Variants in LNPK observed in about 807,000 individuals in gnomAD.
LNPK encodes endoplasmic reticulum junction formation protein lunapark.
LNPK carries 29 observed loss-of-function variants against 55.2 expected under a neutral mutation model. The observed-to-expected ratio is 0.53, with a 90% confidence interval of 0.39 to 0.72. The LOEUF is 0.72. LNPK is among the 30% of genes least tolerant of loss of function. The pLI, the probability that LNPK is intolerant of heterozygous loss-of-function variation, is 0.00. For synonymous variants in LNPK, 162 were observed against 168.2 expected (o/e 0.96, Z 0.29); for missense variants, 467 against 494.8 (o/e 0.94, Z 0.53).
chr2:175,930,916 C>G (rs543604492), intron 12 of LNPK, among the ~76,000 whole-genome samples: 1 of 152,156 alleles, frequency 6.6e-6, no homozygotes, highest in Non-Finnish European at 1.5e-5. Flanking sequence ...GGGTACTAGT[C>G]CCTACATGAA....
At chr2:175,959,972 T>C (rs907957889) in intron 8 of LNPK, among the ~76,000 whole-genome samples, 1 of 152,030 alleles carries the variant, frequency 6.6e-6, no homozygotes, top group Non-Finnish European at 1.5e-5. Context: ...AGAAGGCCAT[T>C]ACATAATGGT....
chr2:175,945,574 T>C (rs1338482703), intron 9 of LNPK, among the ~76,000 whole-genome samples: 1 of 151,112 alleles, frequency 6.6e-6, no homozygotes, highest in African/African-American at 2.4e-5. Flanking sequence ...CTAACAACAT[T>C]CAATTATTAT....
chr2:176,000,882 CTT>C (rs1310871430), intron 1 of LNPK, among the ~76,000 whole-genome samples: 1 of 152,088 alleles, frequency 6.6e-6, no homozygotes, highest in African/African-American at 2.4e-5. Context: ...ATTAAGCACT[CTT>C]AATATATAAT....
In LNPK at chr2:175,938,391, G is replaced by GT; in HGVS notation, c.813-9dup. On this transcript the variant is annotated splice_polypyrimidine_tract_variant and intron_variant, in intron 10 of 12. Coordinates refer to ENST00000272748, the MANE Select transcript of LNPK (RefSeq NM_030650.3). Reference sequence around the variant, plus strand: ...TGACATATAAGTGCATACCTACACCGTAAGGAAAAATGAACAGACCAGTTA... The same window carrying GT: ...TGACATATAAGTGCATACCTACACCGTTAAGGAAAAATGAACAGACCAGTTA... 1 of 1,547,144 alleles carries GT rather than the reference G, an allele frequency of 6.5e-7. No homozygotes were observed. The highest frequency in any genetic ancestry group is 8.8e-7 in the Non-Finnish European group (1 of 1,133,304).
intron 8 of LNPK, among the ~76,000 whole-genome samples, chr2:175,961,842 A>C (rs1430310915): frequency 6.6e-6 from 1 of 152,258 alleles, no homozygotes; most frequent in Non-Finnish European, 1.5e-5. Context: ...GCTGATAAGC[A>C]ATTTCAGCAA....
chr2:175,957,602 G>A (rs949934475), intron 8 of LNPK, among the ~76,000 whole-genome samples: 4 of 152,066 alleles, frequency 2.6e-5, no homozygotes, highest in Non-Finnish European at 4.4e-5. Context: ...CAAGATGCCC[G>A]AATAGGAACA....
intron 3 of LNPK, among the ~76,000 whole-genome samples, 161 bp downstream of exon 3, chr2:175,993,021 C>T (rs61115910): frequency 0.072 from 10,990 of 152,164 alleles, 427 homozygotes; most frequent in South Asian, 0.098. Flanking sequence ...CACGGATAGA[C>T]TTTGGATTTT....
Position 175,943,245 on chromosome 2 carries a change from GA to G in LNPK, c.707-3589del, listed in dbSNP as rs561523124. Among the ~76,000 whole-genome samples, 1,179 of 127,046 alleles carry G rather than the reference GA, an allele frequency of 9.3e-3. 10 individuals are homozygous for G. The highest frequency in any genetic ancestry group is 0.011 in the Non-Finnish European group (615 of 58,418). 83.3% of individuals were successfully genotyped at this position (127,046 alleles called of 152,430 possible). A position where few individuals can be genotyped will look rare whatever the true frequency, so the allele number is the denominator to read the frequency against. On this transcript the variant is annotated intron_variant, in intron 9 of 12. Coordinates refer to ENST00000272748, the MANE Select transcript of LNPK (RefSeq NM_030650.3). ...AAAAAAACACCTTTTTCTCTCAGAA[GA>G]AAAAAAAAAAAATAACCAGGCCCAG...
At chr2:175,931,557 A>C (rs1209505356) in intron 12 of LNPK, among the ~76,000 whole-genome samples, 1 of 152,218 alleles carries the variant, frequency 6.6e-6, no homozygotes, top group Non-Finnish European at 1.5e-5. Context: ...GATATGTAGA[A>C]TAAAGGCCCA....
rs905321078 is a variant in LNPK at position 175,999,304 on chromosome 2, C to G, written c.-63+2856G>C. 3.2e-4 allele frequency among the ~76,000 whole-genome samples: 48 copies of G among 152,156 alleles called. 1 individual carries two copies. Among genetic ancestry groups the G allele is most frequent in the Non-Finnish European group, 1.2e-4 (8 of 68,020 alleles). ...CCTTTCCACCCAAACATATTAACTC[C>G]AAGTCCTGTGGCCCATCACTTACTG... On this transcript the variant is annotated intron_variant, in intron 1 of 12. Transcript: ENST00000272748.
chr2:175,966,120 G>C (rs933173716), intron 6 of LNPK, among the ~76,000 whole-genome samples: 3 of 152,094 alleles, frequency 2.0e-5, no homozygotes, highest in African/African-American at 7.2e-5. Flanking sequence ...ACCCAGGCTG[G>C]AGTGAGTGGT....
Position 175,924,850 on chromosome 2 carries a change from AAG to A in LNPK, c.*5115_*5116del, listed in dbSNP as rs1332722298. 2.0e-5 allele frequency: 3 copies of A among 152,322 alleles called. No homozygotes were observed. The allele number at this position is 152,322 out of a possible 1,614,324, so 9.4% of individuals were successfully genotyped here. On this transcript the variant is annotated 3_prime_UTR_variant, in exon 13 of 13. Coordinates refer to ENST00000272748, the MANE Select transcript of LNPK (RefSeq NM_030650.3). ...CTGGTGTGTGCAGAGATCACACAGCAAGAGAGAGGAAGCAAAGAAGAAAGGGA... is the reference window on the plus strand; with the variant it reads ...CTGGTGTGTGCAGAGATCACACAGCAAGAGAGGAAGCAAAGAAGAAAGGGA...
intron 4 of LNPK, among the ~76,000 whole-genome samples, chr2:175,980,917 A>G (rs1264718776): frequency 2.0e-5 from 3 of 152,034 alleles, no homozygotes; most frequent in African/African-American, 7.2e-5. Context: ...AAAAAAAAAA[A>G]AAAAGAAAGA....
Position 175,995,628 on chromosome 2 carries a change from T to G in LNPK, c.-44A>C. On this transcript the variant is annotated 5_prime_UTR_variant, in exon 2 of 13. Coordinates refer to ENST00000272748, the MANE Select transcript of LNPK (RefSeq NM_030650.3). Reference sequence around the variant, plus strand: ...GGGCACAATGATAAATATCATCAATTGTCCAAAGGAATTCACAGCTAGAAA... The same window carrying G: ...GGGCACAATGATAAATATCATCAATGGTCCAAAGGAATTCACAGCTAGAAA... 6.6e-7 allele frequency: 1 copy of G among 1,509,760 alleles called. No homozygotes were observed. Among genetic ancestry groups the G allele is most frequent in the Non-Finnish European group, 9.2e-7 (1 of 1,086,194 alleles). The allele number at this position is 1,509,760 out of a possible 1,614,324, so 93.5% of individuals were successfully genotyped here.
intron 8 of LNPK, among the ~76,000 whole-genome samples, 164 bp downstream of exon 8, chr2:175,964,203 GAAATA>G (rs1686213508): frequency 6.6e-6 from 1 of 152,016 alleles, no homozygotes; most frequent in African/African-American, 2.4e-5. Context: ...AAATCAAAAT[GAAATA>G]AAATTATTGC....
At chr2:175,953,467 C>G (rs561638968) in intron 8 of LNPK, among the ~76,000 whole-genome samples, 2 of 152,150 alleles carry the variant, frequency 1.3e-5, no homozygotes, top group South Asian at 4.2e-4. Flanking sequence ...CTACAGAAAC[C>G]AGTATTCCAA....
chr2:175,981,054 A>G (rs1687150619), intron 4 of LNPK, among the ~76,000 whole-genome samples: 1 of 152,246 alleles, frequency 6.6e-6, no homozygotes, highest in African/African-American at 2.4e-5. Flanking sequence ...TCTGAAATAC[A>G]GCATTTGCTA....
chr2:175,995,480 A>G, intron 2 of LNPK, 78 bp downstream of exon 2: 2 of 1,133,530 alleles, frequency 1.8e-6, no homozygotes, highest in Non-Finnish European at 2.6e-6. Flanking sequence ...GCTATAATCA[A>G]AGGAGACTTT....
At chr2:175,958,916 G>A (rs963086278) in intron 8 of LNPK, among the ~76,000 whole-genome samples, 11 of 152,256 alleles carry the variant, frequency 7.2e-5, no homozygotes, top group South Asian at 4.1e-4. Context: ...CGAGAACTAC[G>A]TGATGCATGC....
Sources: gnomAD v4.1 joint callset for allele counts (sites outside exome capture counted in the v4.1 genomes callset) on GRCh38, gnomAD v4.1.1 for gene constraint, MANE v1.5 for transcripts, NCBI Gene and HGNC (gene_info 2026-07-23, HGNC 2026-07-21) for gene names.